The following CRYBA2 variants were observed in gnomAD, a reference collection of about 807,000 sequenced individuals.
CRYBA2 encodes beta-crystallin A2.
A neutral mutation model predicts 18.5 loss-of-function variants in CRYBA2; 17 were observed. That is an observed-to-expected ratio of 0.92 (90% CI 0.63 to 1.38). The LOEUF (loss-of-function observed/expected upper bound fraction) is 1.38, where lower values mean the gene tolerates loss of function less well. Among genes scored for constraint, CRYBA2 ranks in the 40% most tolerant of loss-of-function variants. The pLI, the probability that CRYBA2 is intolerant of heterozygous loss-of-function variation, is 0.00. For missense variants in CRYBA2, 271 were observed against 265.0 expected, an observed-to-expected ratio of 1.02 and a Z score of -0.16; for synonymous variants, 101 against 106.2, an observed-to-expected ratio of 0.95 and a Z score of 0.30.
chr2:218,991,047 G>A (rs1945492335), intron 2 of CRYBA2, 53 bp from the exon 3 acceptor site: 13 of 1,596,264 alleles, frequency 8.1e-6, no homozygotes, highest in African/African-American at 4.0e-5. Flanking sequence ...AAGGGTTAAC[G>A]GATACATCCT....
Position 218,992,996 on chromosome 2 carries a change from G to A in CRYBA2, c.161+20C>T, listed in dbSNP as rs1411374959. 1 of 1,587,808 alleles carries A rather than the reference G, an allele frequency of 6.3e-7. No homozygotes were observed. Among genetic ancestry groups the A allele is most frequent in the Non-Finnish European group, 8.6e-7 (1 of 1,162,380 alleles). On this transcript the variant is annotated intron_variant, in intron 1 of 3. Transcript: ENST00000295728. ...CAGCGCCCCTCAACCCAGCCCAGCC[G>A]CGGCCAGGCAATCACTCACACGCCG... is the stretch of plus-strand genomic sequence containing the variant.
intron 1 of CRYBA2, 60 bp from the exon 2 acceptor site, chr2:218,992,303 C>A: frequency 6.4e-7 from 1 of 1,559,036 alleles, no homozygotes; most frequent in Admixed American, 1.8e-5. Flanking sequence ...TGCCCTCCCC[C>A]TTGCCGGCCA....
At chr2:218,990,715 A>C (rs1945486045) in intron 3 of CRYBA2, 137 bp downstream of exon 3, 4 of 1,067,008 alleles carry the variant, frequency 3.7e-6, no homozygotes, top group Non-Finnish European at 4.0e-6. Context: ...GTCTGACTCC[A>C]TCATCTCCCT....
At position 218,993,183 on chromosome 2, in the gene CRYBA2, G is replaced by A. The variant is rs1409473869; in HGVS notation, c.-7C>T. 6.3e-7 allele frequency: 1 copy of A among 1,591,796 alleles called. No individual in the cohort carries two copies. Among genetic ancestry groups the A allele is most frequent in the Non-Finnish European group, 8.5e-7 (1 of 1,170,838 alleles). ...GCGCGGGGGCGCTGCTCATGCCGCTGCGGACAGGAAGGGTGGCACCACGCG... is the reference window on the plus strand; with the variant it reads ...GCGCGGGGGCGCTGCTCATGCCGCTACGGACAGGAAGGGTGGCACCACGCG... On this transcript the variant is annotated 5_prime_UTR_variant, in exon 1 of 4. Coordinates refer to ENST00000295728, the MANE Select transcript of CRYBA2 (RefSeq NM_057093.2). This position sits in a 1 kb window ranked among gnomAD's most constrained non-coding sequence, Gnocchi z 7.7.
intron 3 of CRYBA2, 77 bp downstream of exon 3, chr2:218,990,775 A>G (rs1945486832): frequency 1.3e-6 from 2 of 1,545,000 alleles, no homozygotes; most frequent in African/African-American, 2.8e-5. Context: ...TCCCCACATC[A>G]CTTTTCTCCA....
rs1288980196 is a variant in CRYBA2, at chr2:218,990,991, G to T, written c.307C>A (p.His103Asn). ...AACAGTGTCACACGGCTGTCATTGT[G>T]GTTCTGAGGCACAGCAAGATCAGGA... is the stretch of plus-strand genomic sequence containing the variant. ...LSFRPVLCAN[H>N]NDSRVTLFEG... is the part of the protein sequence containing the mutation. Residue 103 changes from histidine to asparagine, a missense_variant, in exon 3 of 4, where the codon CAC becomes AAC. Physicochemically the swap from His to Asn is moderately conservative, Grantham distance 68. Transcript: ENST00000295728. 2 of 1,613,894 alleles carry T rather than the reference G, an allele frequency of 1.2e-6. No individual in the cohort carries two copies. Among genetic ancestry groups the T allele is most frequent in the East Asian group, 2.2e-5 (1 of 44,880 alleles).
Position 218,992,135 on chromosome 2 carries a change from G to A in CRYBA2, c.270C>T (p.Asn90=). The change falls in exon 2 of 4, where the codon AAC becomes AAT. Residue 90 remains asparagine (N), a synonymous_variant. Coordinates refer to ENST00000295728, the MANE Select transcript of CRYBA2 (RefSeq NM_057093.2). The stretch of plus-strand genomic sequence containing the variant: ...GCACTGGCCGGAAGGACAGCAGCTG[G>A]TTGCTGTTGTGGCTGCTGCTGCCAC... ...AWSGSSSHNS[N]QLLSFRPVLC... 6.2e-7 allele frequency: 1 copy of A among 1,613,552 alleles called. No individual in the cohort carries two copies. The highest frequency in any genetic ancestry group is 1.1e-5 in the South Asian group (1 of 91,078).
chr2:218,993,265 C>T lies in CRYBA2; in HGVS notation c.-89G>A. On this transcript the variant is annotated 5_prime_UTR_variant, in exon 1 of 4. Coordinates refer to ENST00000295728, the MANE Select transcript of CRYBA2 (RefSeq NM_057093.2). The surrounding 1 kb of genome is among the most constrained non-coding windows in gnomAD (Gnocchi z 7.7). The stretch of plus-strand genomic sequence containing the variant: ...CACACAGCCTGCCCAACCTGGGTAG[C>T]GGATGAAGAACCCGGGGGCTGGACC... 1 of 1,354,948 alleles carries T rather than the reference C, an allele frequency of 7.4e-7. No homozygotes were observed. The highest frequency in any genetic ancestry group is 1.0e-6 in the Non-Finnish European group (1 of 1,003,220). The allele number at this position is 1,354,948 out of a possible 1,614,324, so 83.9% of individuals were successfully genotyped here. A position where few individuals can be genotyped will look rare whatever the true frequency, so the allele number is the denominator to read the frequency against.
Position 218,990,277 on chromosome 2 carries a change from T to G in CRYBA2, c.569A>C (p.Gln190Pro). ...CTAGTGCTGGACTCTCCGGATGGAC[T>G]GCAGCTGCCCAGTGTGGGCCTGTGT... ...LGTQAHTGQL[Q>P]SIRRVQH is the part of the protein sequence containing the mutation. The change falls in exon 4 of 4, where the codon CAG (glutamine) becomes CCG (proline). Residue 190 changes from glutamine (Q) to proline (P), a missense_variant. Gln to Pro is a moderately conservative substitution (Grantham distance 76). Coordinates refer to ENST00000295728, the MANE Select transcript of CRYBA2 (RefSeq NM_057093.2). 1 of 1,614,148 alleles carries G rather than the reference T, an allele frequency of 6.2e-7. No individual in the cohort carries two copies. The highest frequency in any genetic ancestry group is 8.5e-7 in the Non-Finnish European group (1 of 1,180,012).
Position 218,993,153 on chromosome 2 carries a change from G to T in CRYBA2, c.24C>A (p.Gly8=). 6.2e-7 allele frequency: 1 copy of T among 1,605,918 alleles called. No homozygotes were observed. Among genetic ancestry groups the T allele is most frequent in the South Asian group, 1.1e-5 (1 of 90,496 alleles). The change falls in exon 1 of 4, where the codon GGC becomes GGA. Residue 8 remains glycine (G), a synonymous_variant. Transcript: ENST00000295728. The surrounding 1 kb of genome is among the most constrained non-coding windows in gnomAD (Gnocchi z 7.7). ...AGAGCGTGAGGCTGGCGGGCGCCGG[G>T]CCCGGCGCGGGGGCGCTGCTCATGC... is the stretch of plus-strand genomic sequence containing the variant. The part of the protein sequence containing the change: MSSAPAP[G]PAPASLTLWD...
At position 218,992,221 on chromosome 2, in the gene CRYBA2, CG is replaced by C. The variant is rs776882593; in HGVS notation, c.183del (p.Asp62ThrfsTer47). 6.2e-6 allele frequency: 10 copies of C among 1,613,402 alleles called. No individual in the cohort carries two copies. Among genetic ancestry groups the C allele is most frequent in the Non-Finnish European group, 7.6e-6 (9 of 1,179,968 alleles). Reference protein sequence around the residue: ...ENGVWVAFEYPDFQGQQFILE... With the variant: ...ENGVWVAFEYXDFQGQQFILE... Reference sequence around the variant, plus strand: ...AGAATGAACTGCTGTCCCTGGAAGTCGGGGTACTCAAAGGCCACCCAACTGG... The same window carrying C: ...AGAATGAACTGCTGTCCCTGGAAGTCGGGTACTCAAAGGCCACCCAACTGG... On this transcript the variant is annotated frameshift_variant, in exon 2 of 4. Coordinates refer to ENST00000295728, the MANE Select transcript of CRYBA2 (RefSeq NM_057093.2). LOFTEE classifies it high-confidence loss of function.
At chr2:218,992,310 GCCATGATTGAAAAGACTGAGAA>G in intron 1 of CRYBA2, 67 bp from the exon 2 acceptor site, 1 of 1,532,290 alleles carries the variant, frequency 6.5e-7, no homozygotes, top group East Asian at 2.3e-5. Context: ...CCCCTTGCCG[GCCATGATTGAAAAGACTGAGAA>G]GCACAATGTT....
At position 218,990,931 on chromosome 2, in the gene CRYBA2, G is replaced by A; in HGVS notation, c.367C>T (p.Leu123Phe). Residue 123 changes from leucine (L) to phenylalanine (F), a missense_variant, in exon 3 of 4, where the codon CTC (leucine) becomes TTC (phenylalanine). Leu to Phe is a conservative substitution (Grantham distance 22). Coordinates refer to ENST00000295728, the MANE Select transcript of CRYBA2 (RefSeq NM_057093.2). ...GDNFQGCKFD[L>F]VDDYPSLPSM... is the part of the protein sequence containing the mutation. ...GGCAGGGATGGGTAGTCATCAACGA[G>A]GTCAAACTTGCAGCCTTGGAAGTTG... 1.2e-6 allele frequency: 2 copies of A among 1,614,166 alleles called. No homozygotes were observed. Among genetic ancestry groups the A allele is most frequent in the South Asian group, 1.1e-5 (1 of 91,082 alleles).
At position 218,993,206 on chromosome 2, in the gene CRYBA2, G is replaced by A; in HGVS notation, c.-30C>T. Reference sequence around the variant, plus strand: ...CTGCGGACAGGAAGGGTGGCACCACGCGCTCAGCGTCTCAAGAGCCCCGTT... The same window carrying A: ...CTGCGGACAGGAAGGGTGGCACCACACGCTCAGCGTCTCAAGAGCCCCGTT... On this transcript the variant is annotated 5_prime_UTR_variant, in exon 1 of 4. Coordinates refer to ENST00000295728, the MANE Select transcript of CRYBA2 (RefSeq NM_057093.2). The surrounding 1 kb of genome is among the most constrained non-coding windows in gnomAD (Gnocchi z 7.7). 2 of 1,519,250 alleles carry A rather than the reference G, an allele frequency of 1.3e-6. No individual in the cohort carries two copies. The highest frequency in any genetic ancestry group is 1.2e-5 in the South Asian group (1 of 85,850). The allele number at this position is 1,519,250 out of a possible 1,614,324, so 94.1% of individuals were successfully genotyped here. A position where few individuals can be genotyped will look rare whatever the true frequency, so the allele number is the denominator to read the frequency against.
chr2:218,991,202 T>G, intron 2 of CRYBA2: 1 of 616,076 alleles, frequency 1.6e-6, no homozygotes, highest in Non-Finnish European at 2.6e-6. Context: ...GCCCCTCCCA[T>G]GACTTTGAGA....
At chr2:218,991,433 G>C (rs1945496561) in intron 2 of CRYBA2, 1 of 161,490 alleles carries the variant, frequency 6.2e-6, no homozygotes, top group Middle Eastern at 3.0e-3. Flanking sequence ...CCAGCTAAGA[G>C]GTACTGGGTG....
At position 218,990,238 on chromosome 2, in the gene CRYBA2, T is replaced by C. The variant is rs770817564; in HGVS notation, c.*14A>G. 6.2e-7 allele frequency: 1 copy of C among 1,614,018 alleles called. No individual in the cohort carries two copies. ...ATTGAGTGTCCTCAGGGAAGGTGTC[T>C]GGGGCCGTGGAGCCTAGTGCTGGAC... On this transcript the variant is annotated 3_prime_UTR_variant, in exon 4 of 4. Coordinates refer to ENST00000295728, the MANE Select transcript of CRYBA2 (RefSeq NM_057093.2).
chr2:218,992,992 A>T, intron 1 of CRYBA2, 24 bp downstream of exon 1: 1 of 1,582,472 alleles, frequency 6.3e-7, no homozygotes, highest in Non-Finnish European at 8.6e-7. Context: ...AACCCAGCCC[A>T]GCCGCGGCCA....
At chr2:218,991,352 C>T (rs1263861046) in intron 2 of CRYBA2, 1 of 196,780 alleles carries the variant, frequency 5.1e-6, no homozygotes, top group Non-Finnish European at 1.0e-5. Flanking sequence ...AGACAGTTCC[C>T]TGAGGTCCTC....
Sources: gnomAD v4.1 joint callset for allele counts on GRCh38, gnomAD v4.1.1 for gene constraint, Gnocchi (gnomAD v3.1) non-coding constraint, MANE v1.5 for transcripts, NCBI Gene and HGNC (gene_info 2026-07-23, HGNC 2026-07-21) for gene names.